GNAL: variants seen among roughly 807,000 people sequenced by gnomAD.
GNAL encodes the protein G protein subunit alpha L.
GNAL carries 18 observed loss-of-function variants against 55.1 expected under a neutral mutation model. The ratio of observed to expected loss-of-function variants is 0.33; its 90% CI spans 0.23 to 0.48. The LOEUF is 0.48. Among genes scored for constraint, GNAL ranks in the 20% least tolerant of loss-of-function variants. The pLI is 0.99. For missense variants in GNAL, 412 were observed against 614.1 expected (o/e 0.67, Z 3.48); for synonymous variants, 253 against 237.0 (o/e 1.07, Z -0.62).
intron 5 of GNAL, among the ~76,000 whole-genome samples, chr18:11,855,608 A>G (rs946666931): frequency 2.0e-5 from 3 of 152,176 alleles, no homozygotes; most frequent in Non-Finnish European, 4.4e-5. Context: ...CAATGTATCT[A>G]GATGCCTTTT....
In GNAL at chr18:11,752,499, C is replaced by T. The variant is rs73397885; in HGVS notation, c.377-354C>T. ...AGGGCGTCGATGAAAAAGAACGACG[C>T]GAGGCCAACAAAAAGATCGAGAAGC... On this transcript the variant is annotated intron_variant, in intron 1 of 11. Coordinates refer to ENST00000334049, the MANE Select transcript of GNAL (RefSeq NM_182978.4). This position sits in a 1 kb window ranked among gnomAD's most constrained non-coding sequence, Gnocchi z 4.5. The T allele has an allele frequency of 6.0e-3, 9,723 of 1,612,980 alleles. 56 individuals carry two copies. Among genetic ancestry groups the T allele is most frequent in the African/African-American group, 0.017 (1,267 of 74,902 alleles).
chr18:11,868,872 G>A lies in GNAL; in HGVS notation c.1031+209G>A, dbSNP rs2036326012. On this transcript the variant is annotated intron_variant, in intron 9 of 11. Coordinates refer to ENST00000334049, the MANE Select transcript of GNAL (RefSeq NM_182978.4). This position sits in a 1 kb window ranked among gnomAD's most constrained non-coding sequence, Gnocchi z 4.0. Reference sequence around the variant, plus strand: ...CAAAAAATACAAAAATTAGCCAGGTGTGGTGGTGCACACCTGCCCAGTGAC... The same window carrying A: ...CAAAAAATACAAAAATTAGCCAGGTATGGTGGTGCACACCTGCCCAGTGAC... 6.6e-6 allele frequency among the ~76,000 whole-genome samples: 1 copy of A among 152,024 alleles called. No homozygotes were observed. The highest frequency in any genetic ancestry group is 2.4e-5 in the African/African-American group (1 of 41,386).
In GNAL at chr18:11,751,685, C is replaced by G. The variant is rs1183534121; in HGVS notation, c.377-1168C>G. On this transcript the variant is annotated intron_variant, in intron 1 of 11. Transcript: ENST00000334049. This position sits in a 1 kb window ranked among gnomAD's most constrained non-coding sequence, Gnocchi z 4.5. ...CGGCGCAGCGGAGGGGCTGCGGGCC[C>G]GGAACCCAGGCCGGTCAGCGTGTAA... 1.0e-6 allele frequency: 1 copy of G among 984,334 alleles called. No individual in the cohort carries two copies. Among genetic ancestry groups the G allele is most frequent in the Non-Finnish European group, 1.2e-6 (1 of 829,090 alleles). 61.0% of individuals were successfully genotyped at this position (984,334 alleles called of 1,614,324 possible). A position where few individuals can be genotyped will look rare whatever the true frequency, so the allele number is the denominator to read the frequency against.
At position 11,740,336 on chromosome 18, in the gene GNAL, C is replaced by G. The variant is rs186283104; in HGVS notation, c.377-12517C>G. Among the ~76,000 whole-genome samples the G allele has an allele frequency of 4.3e-4, 66 of 152,226 alleles. 1 individual carries two copies. The highest frequency in any genetic ancestry group is 8.9e-4 in the African/African-American group (37 of 41,516). On this transcript the variant is annotated intron_variant, in intron 1 of 11. Coordinates refer to ENST00000334049, the MANE Select transcript of GNAL (RefSeq NM_182978.4). ...TCATAGCTACCCTGCCCTGCCCACT[C>G]CACACCCCACACCCCCAGTTAGCTA...
chr18:11,762,740 G>A (rs997624731), intron 4 of GNAL, among the ~76,000 whole-genome samples: 4 of 152,210 alleles, frequency 2.6e-5, no homozygotes, highest in African/African-American at 9.6e-5. Context: ...TTCTTTGGGG[G>A]AGTGACAAAA....
chr18:11,777,010 C>A (rs1483569057), intron 4 of GNAL, among the ~76,000 whole-genome samples: 1 of 152,186 alleles, frequency 6.6e-6, no homozygotes, highest in East Asian at 1.9e-4. Context: ...TAACTTTCCT[C>A]AACATCAGAA....
rs766675246 is a variant in GNAL, at chr18:11,788,914, A to AATATAT, written c.624+34987_624+34992dup. On this transcript the variant is annotated intron_variant, in intron 4 of 11. Coordinates refer to ENST00000334049, the MANE Select transcript of GNAL (RefSeq NM_182978.4). ...TCCGTCTCGAAAAAAAAAAAAAAAA[A>AATATAT]ATATATATATATATATATATATACA... is the stretch of plus-strand genomic sequence containing the variant. Among the ~76,000 whole-genome samples, 313 of 56,242 alleles carry AATATAT rather than the reference A, an allele frequency of 5.6e-3. 3 individuals are homozygous for AATATAT. The highest frequency in any genetic ancestry group is 0.013 in the Middle Eastern group (1 of 80). The allele number at this position is 56,242 out of a possible 152,430, so 36.9% of individuals were successfully genotyped here. A position where few individuals can be genotyped will look rare whatever the true frequency, so the allele number is the denominator to read the frequency against.
chr18:11,865,359 C>G (rs1328106107), intron 7 of GNAL, among the ~76,000 whole-genome samples: 2 of 149,560 alleles, frequency 1.3e-5, no homozygotes, highest in Non-Finnish European at 2.9e-5. Flanking sequence ...CAGGACCCTT[C>G]CAGTTCTCCC....
chr18:11,741,549 A>T (rs1472486006), intron 1 of GNAL, among the ~76,000 whole-genome samples: 1 of 152,236 alleles, frequency 6.6e-6, no homozygotes, highest in Non-Finnish European at 1.5e-5. Flanking sequence ...TATTAAATTA[A>T]TGAGATCAGG....
At chr18:11,829,537 G>A (rs543631487) in intron 5 of GNAL, among the ~76,000 whole-genome samples, 6 of 152,124 alleles carry the variant, frequency 3.9e-5, no homozygotes, top group Middle Eastern at 3.2e-3. Context: ...CTTCATAAAA[G>A]AAAGGACATT....
In GNAL at chr18:11,876,719, A is replaced by T. The variant is rs1269926929; in HGVS notation, c.1230+31A>T. ...CAATTTTGTTAACCTTTGTTTTTCT[A>T]CCTCCCTTCTTAATCTTTTGTTTCT... On this transcript the variant is annotated intron_variant, in intron 11 of 11. Transcript: ENST00000334049. The T allele has an allele frequency of 2.5e-6, 3 of 1,195,086 alleles. No homozygotes were observed. The Admixed American group carries it at 5.1e-5, about 20-fold the overall frequency. The allele number at this position is 1,195,086 out of a possible 1,614,324, so 74.0% of individuals were successfully genotyped here.
chr18:11,699,338 G>A (rs573714805), intron 1 of GNAL, among the ~76,000 whole-genome samples: 236 of 151,856 alleles, frequency 1.6e-3, no homozygotes, highest in Non-Finnish European at 2.0e-3. Context: ...AGGACCACAG[G>A]CACCCACCAC....
chr18:11,807,883 C>CG (rs2034706347), intron 4 of GNAL, among the ~76,000 whole-genome samples: 2 of 152,086 alleles, frequency 1.3e-5, no homozygotes, highest in South Asian at 4.1e-4. Flanking sequence ...CAGTGTTTCA[C>CG]GGGGAGGGTG....
intron 4 of GNAL, among the ~76,000 whole-genome samples, chr18:11,760,860 C>A (rs118184165): frequency 6.6e-6 from 1 of 152,332 alleles, no homozygotes; most frequent in East Asian, 1.9e-4. Flanking sequence ...TGTATGTGAC[C>A]TTGAGCACAT....
rs569061540 is a variant in GNAL, at chr18:11,774,086, T to C, written c.624+20141T>C. ...GCTGGGCCCTGTGCCTGACACACCT[T>C]AAACATTCAGTAAATGTGAGATGTC... On this transcript the variant is annotated intron_variant, in intron 4 of 11. Transcript: ENST00000334049. Among the ~76,000 whole-genome samples the C allele has an allele frequency of 2.6e-5, 4 of 152,304 alleles. No individual in the cohort carries two copies. The East Asian group carries it at 5.8e-4, about 22-fold the overall frequency.
At chr18:11,867,878 A>T (rs2036301938) in intron 8 of GNAL, among the ~76,000 whole-genome samples, 1 of 151,724 alleles carries the variant, frequency 6.6e-6, no homozygotes, top group South Asian at 2.1e-4. Context: ...TAATCCCAGC[A>T]CTTTGGGAGG....
At chr18:11,703,699 C>T (rs2143330129) in intron 1 of GNAL, among the ~76,000 whole-genome samples, 1 of 152,026 alleles carries the variant, frequency 6.6e-6, no homozygotes, top group South Asian at 2.1e-4. Flanking sequence ...CCGTTTTTTG[C>T]TCTAATGACA....
At chr18:11,723,319 A>G (rs1034719726) in intron 1 of GNAL, among the ~76,000 whole-genome samples, 4 of 152,250 alleles carry the variant, frequency 2.6e-5, no homozygotes, top group Non-Finnish European at 5.9e-5. Context: ...TAGTTCTCAC[A>G]TGTCATGAAA....
At chr18:11,817,591 G>C (rs985424692) in intron 4 of GNAL, among the ~76,000 whole-genome samples, 1 of 152,054 alleles carries the variant, frequency 6.6e-6, no homozygotes, top group Admixed American at 6.6e-5. Context: ...TTTTCGTGTA[G>C]TTTTCTTTTT....
Sources: gnomAD v4.1 joint callset for allele counts (sites outside exome capture counted in the v4.1 genomes callset) on GRCh38, gnomAD v4.1.1 for gene constraint, Gnocchi (gnomAD v3.1) non-coding constraint, MANE v1.5 for transcripts, NCBI Gene and HGNC (gene_info 2026-07-23, HGNC 2026-07-21) for gene names.